The following GRM8 variants were observed in gnomAD, a reference collection of about 807,000 sequenced individuals.
GRM8 encodes metabotropic glutamate receptor 8.
In GRM8, 47 loss-of-function variants were observed where a neutral mutation model predicts 87.2. The observed-to-expected ratio is 0.54, with a 90% CI of 0.43 to 0.69. The LOEUF (loss-of-function observed/expected upper bound fraction) is 0.69. Among genes scored for constraint, GRM8 ranks in the 30% least tolerant of loss-of-function variants. GRM8 has a pLI of 0.00. For synonymous variants in GRM8, 396 were observed against 404.5 expected (o/e 0.98, Z 0.25); for missense variants, 1,019 against 1,139.2 (o/e 0.89, Z 1.52).
intron 2 of GRM8, among the ~76,000 whole-genome samples, chr7:127,179,638 A>G (rs1794322194): frequency 6.6e-6 from 1 of 152,162 alleles, no homozygotes; most frequent in African/African-American, 2.4e-5. Context: ...AGTTGAAATT[A>G]TATCAAGCAC....
At chr7:127,212,476 G>A (rs1453822400) in intron 2 of GRM8, among the ~76,000 whole-genome samples, 3 of 142,684 alleles carry the variant, frequency 2.1e-5, no homozygotes, top group Non-Finnish European at 4.5e-5. Context: ...GGAGTGCAGT[G>A]GCGGGATCTC....
At chr7:126,985,120 C>A (rs1453775151) in intron 3 of GRM8, among the ~76,000 whole-genome samples, 3 of 152,124 alleles carry the variant, frequency 2.0e-5, no homozygotes, top group East Asian at 3.9e-4. Context: ...TTAAGAAGCA[C>A]AAGCAAACAA....
chr7:126,809,079 T>A (rs1793050083), intron 6 of GRM8, among the ~76,000 whole-genome samples: 2 of 152,342 alleles, frequency 1.3e-5, no homozygotes, highest in South Asian at 2.1e-4. Flanking sequence ...GCGTATTTTA[T>A]CTTTTAAAAG....
At chr7:126,938,935 C>T (rs1806612532) in intron 3 of GRM8, among the ~76,000 whole-genome samples, 1 of 152,176 alleles carries the variant, frequency 6.6e-6, no homozygotes, top group East Asian at 1.9e-4. Context: ...CAGCTACTTA[C>T]CTAGACTCTC....
chr7:126,808,651 A>C (rs1793000011), intron 6 of GRM8, among the ~76,000 whole-genome samples: 1 of 152,200 alleles, frequency 6.6e-6, no homozygotes, highest in Non-Finnish European at 1.5e-5. Flanking sequence ...CTTTAACTGT[A>C]ATCCTTGGGC....
At chr7:127,121,594 A>T (rs1301706090) in intron 2 of GRM8, among the ~76,000 whole-genome samples, 1 of 152,178 alleles carries the variant, frequency 6.6e-6, no homozygotes, top group Non-Finnish European at 1.5e-5. Flanking sequence ...AAGTCGTTTA[A>T]TTGATTCACA....
At chr7:126,834,303 T>C (rs1795654337) in intron 6 of GRM8, among the ~76,000 whole-genome samples, 1 of 152,152 alleles carries the variant, frequency 6.6e-6, no homozygotes, top group Non-Finnish European at 1.5e-5. Context: ...GGGGAAACAA[T>C]ACATGGGAAT....
At chr7:127,215,692 T>C (rs1257104970) in intron 2 of GRM8, among the ~76,000 whole-genome samples, 2 of 152,242 alleles carry the variant, frequency 1.3e-5, no homozygotes, top group African/African-American at 4.8e-5. Context: ...GTTTTTTATA[T>C]TACATTCAGC....
Position 126,533,851 on chromosome 7 carries a change from G to A in GRM8, c.1531C>T (p.His511Tyr), listed in dbSNP as rs773663530. Residue 511 changes from histidine to tyrosine, a missense_variant, in exon 9 of 11, where the codon CAC becomes TAC. By Grantham distance (83) the His-to-Tyr change is moderately conservative (BLOSUM62 2). Coordinates refer to ENST00000339582, the MANE Select transcript of GRM8 (RefSeq NM_000845.3). ...GGCAGGCTGCAGACAGACGCCGGGTGAGTATGTTCTCTATGAGCCCACTGC... is the reference window on the plus strand; with the variant it reads ...GGCAGGCTGCAGACAGACGCCGGGTAAGTATGTTCTCTATGAGCCCACTGC... ...DMQWAHREHT[H>Y]PASVCSLPCK... The A allele has an allele frequency of 2.7e-5, 43 of 1,613,802 alleles. 1 individual carries two copies. The highest frequency in any genetic ancestry group is 5.5e-5 in the South Asian group (5 of 91,082).
intron 6 of GRM8, among the ~76,000 whole-genome samples, chr7:126,840,725 A>G (rs1313329915): frequency 6.6e-6 from 1 of 152,242 alleles, no homozygotes; most frequent in Non-Finnish European, 1.5e-5. Context: ...AGTTTCTAAT[A>G]TAAATAAAAG....
chr7:126,705,504 A>G (rs899052262), intron 7 of GRM8, among the ~76,000 whole-genome samples: 3 of 152,300 alleles, frequency 2.0e-5, no homozygotes, highest in African/African-American at 7.2e-5. Context: ...GAGAATATAC[A>G]TAGATCTATG....
At chr7:126,534,411 G>A (rs1815354411) in intron 8 of GRM8, among the ~76,000 whole-genome samples, 1 of 152,126 alleles carries the variant, frequency 6.6e-6, no homozygotes, top group African/African-American at 2.4e-5. Flanking sequence ...ATGTGTTCAT[G>A]GAGATAACTA....
intron 9 of GRM8, among the ~76,000 whole-genome samples, chr7:126,466,998 T>C (rs997048882): frequency 1.3e-5 from 2 of 151,794 alleles, no homozygotes; most frequent in East Asian, 1.9e-4. Flanking sequence ...AACATTCTTT[T>C]ATTATTATTA....
intron 9 of GRM8, among the ~76,000 whole-genome samples, chr7:126,514,520 G>A (rs1222841005): frequency 1.3e-5 from 2 of 152,062 alleles, no homozygotes; most frequent in African/African-American, 4.8e-5. Flanking sequence ...GTATGCATTA[G>A]CATGTGTATT....
chr7:127,219,550 C>T (rs1001363436), intron 2 of GRM8: 1 of 152,066 alleles, frequency 6.6e-6, no homozygotes, highest in Non-Finnish European at 1.5e-5. Flanking sequence ...AGTGGTCCTC[C>T]CACCTCAACC....
chr7:126,492,083 G>T (rs1292205729), intron 9 of GRM8, among the ~76,000 whole-genome samples: 1 of 151,916 alleles, frequency 6.6e-6, no homozygotes, highest in Non-Finnish European at 1.5e-5. Context: ...TTGAGGCAGG[G>T]TCTCAGTCTG....
intron 2 of GRM8, among the ~76,000 whole-genome samples, chr7:127,148,614 TCA>T (rs1269377168): frequency 4.6e-5 from 7 of 151,990 alleles, no homozygotes; most frequent in Admixed American, 3.9e-4. Flanking sequence ...AATACTGTAC[TCA>T]TATACAGTAT....
chr7:126,641,582 C>A (rs1438726542), intron 7 of GRM8, among the ~76,000 whole-genome samples: 1 of 152,192 alleles, frequency 6.6e-6, no homozygotes, highest in Non-Finnish European at 1.5e-5. Context: ...TTTGTTCCAG[C>A]TACCATATGG....
chr7:126,581,913 G>A (rs1233430728), intron 8 of GRM8, among the ~76,000 whole-genome samples: 1 of 152,072 alleles, frequency 6.6e-6, no homozygotes, highest in African/African-American at 2.4e-5. Flanking sequence ...ACTGCTCAAT[G>A]AACCCCCTGT....
Sources: allele counts gnomAD v4.1 joint callset (sites outside exome capture counted in the v4.1 genomes callset), GRCh38; gene constraint gnomAD v4.1.1; transcripts MANE v1.5; gene names NCBI Gene and HGNC (gene_info 2026-07-23, HGNC 2026-07-21).